Variants in ZBTB43 observed in about 807,000 individuals in gnomAD.
ZBTB43 encodes the protein zinc finger and BTB domain-containing protein 43.
A neutral mutation model predicts 31.1 loss-of-function variants in ZBTB43; 6 were observed. The observed-to-expected ratio is 0.19, with a 90% CI of 0.11 to 0.38. ZBTB43 has a LOEUF of 0.38. Ranked by LOEUF, ZBTB43 falls within the 10% of genes least tolerant of loss-of-function variation. The probability of loss-of-function intolerance (pLI) is 1.00; values close to 1 mark genes in which losing one functional copy is unlikely to be tolerated. For synonymous variants in ZBTB43, 212 were observed against 221.7 expected (o/e 0.96, Z 0.39); for missense variants, 379 against 602.1 (o/e 0.63, Z 3.88).
At position 126,833,576 on chromosome 9, in the gene ZBTB43, G is replaced by T. The variant is rs774179189; in HGVS notation, c.1067G>T (p.Gly356Val). ...GYSENIEMVT[G>V]IKEEASHLGF... ...AGTGAGAATATTGAAATGGTAACAG[G>T]GATTAAAGAAGAAGCTTCCCACTTA... The change falls in exon 3 of 3, where the codon GGG (glycine) becomes GTG (valine). Residue 356 changes from glycine (G) to valine (V), a missense_variant. This residue lies in a region of ZBTB43 where 253 missense variants were observed against 322.3 expected (regional missense o/e 0.79). Transcript: ENST00000373464. This position sits in a 1 kb window ranked among gnomAD's most constrained non-coding sequence, Gnocchi z 7.9. 6.2e-7 allele frequency: 1 copy of T among 1,614,052 alleles called. No individual in the cohort carries two copies. The highest frequency in any genetic ancestry group is 1.1e-5 in the South Asian group (1 of 91,082).
chr9:126,807,474 C>G (rs2032152199), intron 1 of ZBTB43, among the ~76,000 whole-genome samples: 1 of 152,140 alleles, frequency 6.6e-6, no homozygotes, highest in Admixed American at 6.5e-5. Context: ...ATGAGGACCT[C>G]AGCAGTTCTC....
intron 2 of ZBTB43, among the ~76,000 whole-genome samples, chr9:126,817,453 A>G (rs996523633): frequency 1.4e-5 from 2 of 146,300 alleles, no homozygotes; most frequent in African/African-American, 5.0e-5. Flanking sequence ...CCCCCATAAT[A>G]CATTGAATAT....
intron 2 of ZBTB43, among the ~76,000 whole-genome samples, chr9:126,814,699 A>G (rs746867859): frequency 2.6e-5 from 4 of 152,242 alleles, no homozygotes; most frequent in African/African-American, 9.6e-5. Context: ...AGGCTGAGGC[A>G]GGAGAATGGT....
In ZBTB43 at chr9:126,828,223, G is replaced by A. The variant is rs561167955; in HGVS notation, c.-23-4264G>A. The stretch of plus-strand genomic sequence containing the variant: ...TTTTGAGATGGAGTCTTGCTCTGTC[G>A]CCCAGGCTGGAGTGCAGTGGCGCGA... On this transcript the variant is annotated intron_variant, in intron 2 of 2. Coordinates refer to ENST00000373464, the MANE Select transcript of ZBTB43 (RefSeq NM_014007.4). Among the ~76,000 whole-genome samples the A allele has an allele frequency of 5.1e-4, 77 of 151,010 alleles. 1 individual carries two copies. Among genetic ancestry groups the A allele is most frequent in the Middle Eastern group, 6.8e-3 (2 of 292 alleles).
chr9:126,815,666 T>G (rs557434198), intron 2 of ZBTB43, among the ~76,000 whole-genome samples: 17 of 151,924 alleles, frequency 1.1e-4, no homozygotes, highest in African/African-American at 3.9e-4. Flanking sequence ...CTCTTTTTTT[T>G]TTTTTCAATA....
intron 2 of ZBTB43, among the ~76,000 whole-genome samples, chr9:126,828,053 T>A (rs1264305832): frequency 1.3e-5 from 2 of 152,220 alleles, no homozygotes; most frequent in Middle Eastern, 3.4e-3. Context: ...ACTTGCACTT[T>A]ATGAAGCAAG....
chr9:126,809,995 C>T (rs1025024475), intron 2 of ZBTB43, among the ~76,000 whole-genome samples: 2 of 151,920 alleles, frequency 1.3e-5, no homozygotes, highest in Non-Finnish European at 2.9e-5. Flanking sequence ...CCACCACACC[C>T]GGCTAATTTT....
intron 2 of ZBTB43, chr9:126,831,877 G>T (rs560201056): frequency 1.3e-5 from 2 of 150,418 alleles, no homozygotes; most frequent in African/African-American, 4.9e-5. Flanking sequence ...AGAATCGCTC[G>T]AAACCAGAAG....
upstream of ZBTB43, among the ~76,000 whole-genome samples, chr9:126,804,657 G>C (rs958005130): frequency 3.3e-5 from 5 of 152,142 alleles, no homozygotes; most frequent in African/African-American, 1.2e-4. Flanking sequence ...GCTAATTTTT[G>C]TATGTTTTGT....
At chr9:126,815,244 ATATATATATAGTTTTCAATATATAAAACT>A (rs1564201042) in intron 2 of ZBTB43, among the ~76,000 whole-genome samples, 1 of 31,038 alleles carries the variant, frequency 3.2e-5, no homozygotes, top group African/African-American at 8.9e-5. Flanking sequence ...ATATAAAACT[ATATATATATAGTTTTCAATATATAAAACT>A]ATATATATAT....
intron 2 of ZBTB43, among the ~76,000 whole-genome samples, chr9:126,812,401 CAT>C (rs1477491826): frequency 1.3e-5 from 2 of 152,100 alleles, no homozygotes; most frequent in African/African-American, 4.8e-5. Flanking sequence ...GTGTGGACAT[CAT>C]ATGTTTTCAT....
rs1310109249 is a variant in ZBTB43, at chr9:126,837,991, A to C, written c.*4078A>C. On this transcript the variant is annotated 3_prime_UTR_variant, in exon 3 of 3. Transcript: ENST00000373464. ...TTAGGCCACAAAACCATTTGATGAT[A>C]AACAGATTATCATTAGGTGCATATC... is the stretch of plus-strand genomic sequence containing the variant. The C allele has an allele frequency of 6.0e-6, 1 of 167,040 alleles. No homozygotes were observed. Among genetic ancestry groups the C allele is most frequent in the African/African-American group, 2.4e-5 (1 of 41,444 alleles). The allele number at this position is 167,040 out of a possible 1,614,324, so 10.3% of individuals were successfully genotyped here.
At chr9:126,832,237 C>G (rs1413141659) in intron 2 of ZBTB43, 6 of 444,300 alleles carry the variant, frequency 1.4e-5, no homozygotes, top group East Asian at 3.7e-5. Flanking sequence ...AATCTTGTCC[C>G]TATGGATTCA....
In ZBTB43 at chr9:126,811,810, G is replaced by C. The variant is rs180999222; in HGVS notation, c.-24+2895G>C. On this transcript the variant is annotated intron_variant, in intron 2 of 2. Transcript: ENST00000373464. ...GCAGCTAATTTTTGTGTTTTTAGTA[G>C]AGACGGGGTTTCACCATATTAGTCA... is the stretch of plus-strand genomic sequence containing the variant. 2.9e-3 allele frequency among the ~76,000 whole-genome samples: 443 copies of C among 152,258 alleles called. 1 individual carries two copies. Among genetic ancestry groups the C allele is most frequent in the Non-Finnish European group, 4.4e-3 (298 of 68,020 alleles).
rs540500967 is a variant in ZBTB43 at position 126,833,495 on chromosome 9, G to A, written c.986G>A (p.Arg329Lys). 45 of 1,614,200 alleles carry A rather than the reference G, an allele frequency of 2.8e-5. No individual in the cohort carries two copies. In the East Asian group the frequency reaches 9.8e-4, roughly 35 times the overall value. The change falls in exon 3 of 3, where the codon AGG (arginine) becomes AAG (lysine). Residue 329 changes from arginine to lysine, a missense_variant. Arg to Lys is a conservative substitution (Grantham distance 26). Coordinates refer to ENST00000373464, the MANE Select transcript of ZBTB43 (RefSeq NM_014007.4). This position sits in a 1 kb window ranked among gnomAD's most constrained non-coding sequence, Gnocchi z 7.9. ...TCCATGGAAGAGTTTTCCGGAGAGA[G>A]GTCAGATGGGAATCTAATTGGGCAC... ...GSSMEEFSGE[R>K]SDGNLIGHRQ...
chr9:126,809,390 G>T (rs1398362852), intron 2 of ZBTB43, among the ~76,000 whole-genome samples: 1 of 152,162 alleles, frequency 6.6e-6, no homozygotes, highest in African/African-American at 2.4e-5. Flanking sequence ...GTACATTTGT[G>T]CCAGGCTTTA....
chr9:126,804,480 T>C (rs77143880), upstream of ZBTB43, among the ~76,000 whole-genome samples: 1,557 of 150,794 alleles, frequency 0.01, 26 homozygotes, highest in African/African-American at 0.036. Context: ...TGTTTTTGTT[T>C]GTTTTGTTGT....
chr9:126,809,691 G>C (rs2032200340), intron 2 of ZBTB43, among the ~76,000 whole-genome samples: 1 of 152,144 alleles, frequency 6.6e-6, no homozygotes, highest in Non-Finnish European at 1.5e-5. Context: ...GATTTCTTCA[G>C]TATGTTGCCC....
intron 2 of ZBTB43, among the ~76,000 whole-genome samples, chr9:126,828,681 G>T (rs191097967): frequency 2.3e-5 from 3 of 132,030 alleles, no homozygotes; most frequent in African/African-American, 1.1e-4. Flanking sequence ...TTATTATTTT[G>T]GAGGTGTGAA....
Sources: allele counts gnomAD v4.1 joint callset (sites outside exome capture counted in the v4.1 genomes callset), GRCh38; gene constraint gnomAD v4.1.1; regional missense constraint gnomAD v4.1.1; non-coding constraint Gnocchi (gnomAD v3.1); transcripts MANE v1.5; gene names NCBI Gene and HGNC (gene_info 2026-07-23, HGNC 2026-07-21).